The following PELI2 variants were observed in gnomAD, a reference collection of about 807,000 sequenced individuals.
PELI2 encodes E3 ubiquitin-protein ligase pellino homolog 2.
Under a neutral mutation model 42.3 loss-of-function variants are expected in PELI2, and 23 were observed. That is an observed-to-expected ratio of 0.54 (90% CI 0.39 to 0.77). PELI2 has a LOEUF of 0.77. Ranked by LOEUF, PELI2 falls within the 30% of genes least tolerant of loss-of-function variation. PELI2 has a pLI of 0.00. For missense variants in PELI2, 463 were observed against 553.2 expected (o/e 0.84, Z 1.64); for synonymous variants, 245 against 212.2 (o/e 1.15, Z -1.34).
intron 2 of PELI2, among the ~76,000 whole-genome samples, chr14:56,210,880 G>A (rs1165061682): frequency 6.6e-6 from 1 of 152,106 alleles, no homozygotes; most frequent in Non-Finnish European, 1.5e-5. Flanking sequence ...GTTTTCCCTT[G>A]ACATAAATGA....
chr14:56,170,453 A>G (rs1238566640), intron 1 of PELI2, among the ~76,000 whole-genome samples: 1 of 152,214 alleles, frequency 6.6e-6, no homozygotes, highest in Admixed American at 6.5e-5. Flanking sequence ...TTTGCACTGT[A>G]TGCCAAAAAA....
Position 56,288,539 on chromosome 14 carries a change from A to G in PELI2, c.412A>G (p.Arg138Gly). Residue 138 changes from arginine to glycine, a missense_variant, in exon 4 of 6, where the codon AGG becomes GGG. This residue lies in a region of PELI2 where 343 missense variants were observed against 378.4 expected (regional missense o/e 0.91). Coordinates refer to ENST00000267460, the MANE Select transcript of PELI2 (RefSeq NM_021255.3). This position sits in a 1 kb window ranked among gnomAD's most constrained non-coding sequence, Gnocchi z 4.6. ...EAQITQSTISRFACRIVCDRN... is the reference protein window; with the variant it reads ...EAQITQSTISGFACRIVCDRN... ...CCAGATCACACAGAGCACCATATCC[A>G]GGTTCGCCTGCAGGATCGTGTGCGA... 1 of 1,614,096 alleles carries G rather than the reference A, an allele frequency of 6.2e-7. No homozygotes were observed. The highest frequency in any genetic ancestry group is 8.5e-7 in the Non-Finnish European group (1 of 1,179,948).
chr14:56,244,063 T>C (rs1888068773), intron 2 of PELI2, among the ~76,000 whole-genome samples: 1 of 152,158 alleles, frequency 6.6e-6, no homozygotes, highest in Admixed American at 6.5e-5. Context: ...AGTAAACCAG[T>C]TGAGTCTTCC....
intron 2 of PELI2, among the ~76,000 whole-genome samples, chr14:56,216,000 C>CA (rs1691687964): frequency 6.6e-6 from 1 of 152,136 alleles, no homozygotes; most frequent in African/African-American, 2.4e-5. Context: ...AAATACATGC[C>CA]AGTACTACTC....
chr14:56,224,745 G>C (rs11158083), intron 2 of PELI2, among the ~76,000 whole-genome samples: 60,749 of 151,942 alleles, frequency 0.4, 13,014 homozygotes, highest in South Asian at 0.53. Flanking sequence ...CATTTTTGCA[G>C]GGCTTGTTGT....
chr14:56,121,238 CTT>C (rs113894864), intron 1 of PELI2, among the ~76,000 whole-genome samples: 7 of 136,198 alleles, frequency 5.1e-5, no homozygotes. Flanking sequence ...AAATTCAGTG[CTT>C]TTTTTTTTTT....
At chr14:56,122,964 C>G (rs1883116966) in intron 1 of PELI2, among the ~76,000 whole-genome samples, 1 of 152,146 alleles carries the variant, frequency 6.6e-6, no homozygotes, top group African/African-American at 2.4e-5. Flanking sequence ...TGTCATCAAA[C>G]TGCCAAAGGG....
chr14:56,194,565 C>T (rs1211248716), intron 2 of PELI2, among the ~76,000 whole-genome samples: 1 of 152,168 alleles, frequency 6.6e-6, no homozygotes, highest in East Asian at 1.9e-4. Flanking sequence ...TTAGTATATT[C>T]ATGCCTGTTA....
intron 1 of PELI2, among the ~76,000 whole-genome samples, chr14:56,168,503 C>T (rs746181541): frequency 9.2e-5 from 14 of 152,146 alleles, no homozygotes; most frequent in South Asian, 4.1e-4. Context: ...TGTTCCCTTA[C>T]GGCCTAGAGT....
At chr14:56,283,385 T>G (rs1889542727) in intron 3 of PELI2, among the ~76,000 whole-genome samples, 1 of 152,224 alleles carries the variant, frequency 6.6e-6, no homozygotes, top group Admixed American at 6.5e-5. Flanking sequence ...TAATACAGTT[T>G]GGTGCCACTG....
intron 1 of PELI2, among the ~76,000 whole-genome samples, chr14:56,150,012 A>G (rs1343721502): frequency 1.3e-5 from 2 of 152,294 alleles, no homozygotes; most frequent in African/African-American, 2.4e-5. Context: ...CTAGACATCT[A>G]TGTTATAGAC....
chr14:56,279,746 A>G lies in PELI2; in HGVS notation c.278A>G (p.Tyr93Cys), dbSNP rs777662279. 1.3e-6 allele frequency: 2 copies of G among 1,596,364 alleles called. No individual in the cohort carries two copies. Among genetic ancestry groups the G allele is most frequent in the Non-Finnish European group, 1.7e-6 (2 of 1,164,426 alleles). Reference protein sequence around the residue: ...LSRNQTVVVEYTHDKDTDMFQ... With the variant: ...LSRNQTVVVECTHDKDTDMFQ... ...AGGAATCAGACTGTGGTGGTGGAGT[A>G]CACACATGATAAGGATACGGATATG... Residue 93 changes from tyrosine (Y) to cysteine (C), a missense_variant, in exon 3 of 6, where the codon TAC becomes TGC. Transcript: ENST00000267460.
chr14:56,161,745 GT>G (rs1219686566), intron 1 of PELI2, among the ~76,000 whole-genome samples: 4 of 151,912 alleles, frequency 2.6e-5, no homozygotes, highest in African/African-American at 9.7e-5. Flanking sequence ...TTTTTTTTCA[GT>G]TATATCTTAA....
Position 56,136,324 on chromosome 14 carries a change from C to G in PELI2, c.77+17587C>G, listed in dbSNP as rs563723231. Among the ~76,000 whole-genome samples, 192 of 152,258 alleles carry G rather than the reference C, an allele frequency of 1.3e-3. 1 individual carries two copies. The highest frequency in any genetic ancestry group is 4.5e-3 in the African/African-American group (188 of 41,538). ...GTTCTGGATTTAGATAGCATGGCAA[C>G]AAAATAAATATGTTTACTTGGTGCA... On this transcript the variant is annotated intron_variant, in intron 1 of 5. Transcript: ENST00000267460.
intron 2 of PELI2, among the ~76,000 whole-genome samples, chr14:56,246,748 T>C (rs116805788): frequency 2.1e-3 from 319 of 152,334 alleles, no homozygotes; most frequent in African/African-American, 7.3e-3. Flanking sequence ...TTAAGTAAAT[T>C]GTTCAAGGTA....
At chr14:56,208,317 G>T (rs569929705) in intron 2 of PELI2, among the ~76,000 whole-genome samples, 82 of 152,314 alleles carry the variant, frequency 5.4e-4, no homozygotes, top group African/African-American at 1.9e-3. Context: ...TGTCATCTAA[G>T]ACCTGAAAAA....
intron 1 of PELI2, among the ~76,000 whole-genome samples, chr14:56,170,723 A>G (rs577977901): frequency 2.6e-4 from 39 of 152,354 alleles, no homozygotes; most frequent in African/African-American, 8.9e-4. Context: ...ACTCTAAACT[A>G]TAAAACAGAA....
At chr14:56,149,642 T>G (rs138415223) in intron 1 of PELI2, among the ~76,000 whole-genome samples, 1 of 152,320 alleles carries the variant, frequency 6.6e-6, no homozygotes, top group African/African-American at 2.4e-5. Context: ...GTGAAATCTT[T>G]TTTGTTGCTC....
chr14:56,159,700 A>G (rs6573083), intron 1 of PELI2, among the ~76,000 whole-genome samples: 63,845 of 152,020 alleles, frequency 0.42, 13,816 homozygotes, highest in South Asian at 0.53. Flanking sequence ...CTAATGTTAT[A>G]TTAATATATA....
Sources: allele counts gnomAD v4.1 joint callset (sites outside exome capture counted in the v4.1 genomes callset), GRCh38; gene constraint gnomAD v4.1.1; regional missense constraint gnomAD v4.1.1; non-coding constraint Gnocchi (gnomAD v3.1); transcripts MANE v1.5; gene names NCBI Gene and HGNC (gene_info 2026-07-23, HGNC 2026-07-21).